Variants in CCDC7 observed in about 807,000 individuals in gnomAD.
CCDC7 encodes the protein coiled-coil domain containing 7.
CCDC7 carries 183 observed loss-of-function variants against 196.9 expected under a neutral mutation model. That is an observed-to-expected ratio of 0.93 (90% confidence interval 0.82 to 1.05). CCDC7 has a LOEUF of 1.05. CCDC7 is among the 50% of genes least tolerant of loss of function. The pLI is 0.00. For missense variants in CCDC7, 1,540 were observed against 1,482.2 expected (o/e 1.04, Z -0.64); for synonymous variants, 525 against 484.6 (o/e 1.08, Z -1.10).
intron 9 of CCDC7, among the ~76,000 whole-genome samples, chr10:32,505,666 T>C (rs950557276): frequency 6.6e-5 from 10 of 152,132 alleles, no homozygotes; most frequent in Admixed American, 5.2e-4. Flanking sequence ...GCCACTGTCA[T>C]CATGGCCCGT....
chr10:32,608,219 C>T (rs1009103686), intron 18 of CCDC7, among the ~76,000 whole-genome samples: 16 of 152,032 alleles, frequency 1.1e-4, no homozygotes, highest in Non-Finnish European at 1.6e-4. Context: ...GTCCAGCTAA[C>T]AGTTCATCAA....
intron 18 of CCDC7, among the ~76,000 whole-genome samples, chr10:32,598,984 G>A (rs2138229115): frequency 6.6e-6 from 1 of 152,206 alleles, no homozygotes; most frequent in Admixed American, 6.5e-5. Context: ...CTCTCTGCCT[G>A]TTGTGTCCAT....
At chr10:32,656,799 T>C (rs1564991501) in intron 20 of CCDC7, among the ~76,000 whole-genome samples, 1 of 152,182 alleles carries the variant, frequency 6.6e-6, no homozygotes, top group Non-Finnish European at 1.5e-5. Context: ...CTTAACTTAT[T>C]CCAGCATTAA....
At chr10:32,635,411 A>G (rs2065469373) in intron 20 of CCDC7, among the ~76,000 whole-genome samples, 1 of 152,172 alleles carries the variant, frequency 6.6e-6, no homozygotes, top group Non-Finnish European at 1.5e-5. Context: ...TAATGTACAT[A>G]TAAATTTAAA....
At chr10:32,474,408 CT>C (rs964436782) in intron 8 of CCDC7, among the ~76,000 whole-genome samples, 15 of 134,542 alleles carry the variant, frequency 1.1e-4, no homozygotes, top group Admixed American at 2.2e-4. Context: ...ATTTTTTTTT[CT>C]TTTTTTTTTA....
At chr10:32,518,625 G>A in intron 11 of CCDC7, 120 bp downstream of exon 12, 1 of 737,916 alleles carries the variant, frequency 1.4e-6, no homozygotes, top group East Asian at 3.5e-5. Flanking sequence ...ATAATTCGTA[G>A]CAGCTATGCT....
At chr10:32,819,148 A>G (rs1319016946) in intron 31 of CCDC7, among the ~76,000 whole-genome samples, 1 of 152,244 alleles carries the variant, frequency 6.6e-6, no homozygotes, top group African/African-American at 2.4e-5. Flanking sequence ...CATTGATCCC[A>G]CAGAAATAGA....
chr10:32,666,244 A>G (rs1192514534), intron 21 of CCDC7, among the ~76,000 whole-genome samples: 2 of 151,708 alleles, frequency 1.3e-5, no homozygotes, highest in Non-Finnish European at 2.9e-5. Context: ...TGATGAAGAG[A>G]AGGTAGATTA....
At chr10:32,443,422 C>CATCTTGG (rs1428237050), upstream of CCDC7, among the ~76,000 whole-genome samples, 7 of 151,942 alleles carry the variant, frequency 4.6e-5, no homozygotes, top group East Asian at 1.9e-4. Flanking sequence ...TCACATTATC[C>CATCTTGG]CTTGAAGGAT....
intron 31 of CCDC7, among the ~76,000 whole-genome samples, chr10:32,814,689 A>G (rs1465747388): frequency 6.6e-6 from 1 of 152,260 alleles, no homozygotes; most frequent in Non-Finnish European, 1.5e-5. Flanking sequence ...TATAACAGAT[A>G]GTAATTTTAT....
chr10:32,715,169 T>A (rs1184347652), intron 25 of CCDC7, among the ~76,000 whole-genome samples: 1 of 152,188 alleles, frequency 6.6e-6, no homozygotes, highest in Non-Finnish European at 1.5e-5. Context: ...ATCTGGCCGG[T>A]GCCCCTCTGG....
chr10:32,589,106 C>A (rs1324681499), intron 18 of CCDC7, among the ~76,000 whole-genome samples: 3 of 151,958 alleles, frequency 2.0e-5, no homozygotes. Context: ...AGATCTTATT[C>A]ATTCTTTCTG....
chr10:32,563,526 C>G (rs550662164), intron 13 of CCDC7, among the ~76,000 whole-genome samples: 1 of 152,106 alleles, frequency 6.6e-6, no homozygotes, highest in Non-Finnish European at 1.5e-5. Context: ...CTTTGACAAA[C>G]CTGAGAAAAA....
chr10:32,851,431 G>A (rs965638220), intron 39 of CCDC7, among the ~76,000 whole-genome samples: 5 of 151,928 alleles, frequency 3.3e-5, no homozygotes, highest in African/African-American at 1.2e-4. Context: ...ATGTAATTTT[G>A]ATCTTACATT....
intron 28 of CCDC7, among the ~76,000 whole-genome samples, chr10:32,733,111 GT>G (rs1281393679): frequency 6.6e-6 from 1 of 151,700 alleles, no homozygotes; most frequent in Non-Finnish European, 1.5e-5. Context: ...TTTTTAATAT[GT>G]TTTTATCTTT....
intron 28 of CCDC7, among the ~76,000 whole-genome samples, chr10:32,755,116 G>C (rs1565402743): frequency 6.6e-6 from 1 of 152,172 alleles, no homozygotes; most frequent in Admixed American, 6.5e-5. Context: ...CAAAGCACCT[G>C]GGAAGCTAGA....
At chr10:32,548,617 C>T (rs1341844294) in intron 13 of CCDC7, among the ~76,000 whole-genome samples, 1 of 152,124 alleles carries the variant, frequency 6.6e-6, no homozygotes, top group Non-Finnish European at 1.5e-5. Context: ...CAGGCTAAAA[C>T]CTTTGAAGAG....
chr10:32,565,445 A>G (rs1234777253), intron 13 of CCDC7, 113 bp from the exon 15 acceptor site: 17 of 1,073,720 alleles, frequency 1.6e-5, no homozygotes, highest in Non-Finnish European at 1.9e-5. Context: ...TTCAATGTCT[A>G]TGCTCAATTC....
At chr10:32,564,343 C>T (rs966003780) in intron 13 of CCDC7, among the ~76,000 whole-genome samples, 3 of 152,106 alleles carry the variant, frequency 2.0e-5, no homozygotes, top group African/African-American at 7.2e-5. Flanking sequence ...TATAAAGACA[C>T]ATGCACACGT....
Sources: gnomAD v4.1 joint callset for allele counts (sites outside exome capture counted in the v4.1 genomes callset) on GRCh38, gnomAD v4.1.1 for gene constraint, MANE v1.5 for transcripts, NCBI Gene and HGNC (gene_info 2026-07-23, HGNC 2026-07-21) for gene names.